Variants in NAALADL2 observed in about 807,000 individuals in gnomAD.
The protein encoded by NAALADL2 is N-acetylated alpha-linked acidic dipeptidase like 2.
A neutral mutation model predicts 87.2 loss-of-function variants in NAALADL2; 76 were observed. The observed-to-expected ratio is 0.87, with a 90% CI of 0.72 to 1.05. NAALADL2 has a LOEUF of 1.05. Among genes scored for constraint, NAALADL2 ranks in the 50% least tolerant of loss-of-function variants. The probability of loss-of-function intolerance (pLI) is 0.00; values close to 1 mark genes in which losing one functional copy is unlikely to be tolerated. For missense variants in NAALADL2, 1,089 were observed against 945.8 expected, an observed-to-expected ratio of 1.15 and a Z score of -1.99; for synonymous variants, 354 against 331.0, an observed-to-expected ratio of 1.07 and a Z score of -0.75.
At chr3:174,982,912 C>T (rs1322610841) in intron 1 of NAALADL2, among the ~76,000 whole-genome samples, 1 of 152,180 alleles carries the variant, frequency 6.6e-6, no homozygotes, top group Non-Finnish European at 1.5e-5. Flanking sequence ...ATTCTCCTGC[C>T]TCAGCCTCCT....
chr3:175,192,906 C>T (rs896967256), intron 2 of NAALADL2, among the ~76,000 whole-genome samples: 2 of 151,402 alleles, frequency 1.3e-5, no homozygotes, highest in Non-Finnish European at 3.0e-5. Flanking sequence ...TAAAAAAAAC[C>T]CTGCACATTT....
At chr3:174,674,640 T>C (rs1282682900) in intron 2 of NAALADL2, among the ~76,000 whole-genome samples, 2 of 152,078 alleles carry the variant, frequency 1.3e-5, no homozygotes, top group African/African-American at 4.8e-5. Flanking sequence ...TACCCTTTTA[T>C]TGGGCCTAAA....
At chr3:175,050,911 G>A (rs967712686) in intron 1 of NAALADL2, among the ~76,000 whole-genome samples, 3 of 152,054 alleles carry the variant, frequency 2.0e-5, no homozygotes, top group African/African-American at 7.2e-5. Context: ...GAAAAAACTA[G>A]GGTTGTTTTA....
chr3:174,513,297 C>A (rs1278071517), intron 1 of NAALADL2, among the ~76,000 whole-genome samples: 3 of 152,124 alleles, frequency 2.0e-5, no homozygotes, highest in Non-Finnish European at 4.4e-5. Flanking sequence ...CAATGACATG[C>A]TGGTATTGTA....
chr3:175,280,750 C>G (rs1754186413), intron 4 of NAALADL2, among the ~76,000 whole-genome samples: 1 of 151,980 alleles, frequency 6.6e-6, no homozygotes, highest in African/African-American at 2.4e-5. Context: ...GCAAAGTACA[C>G]AGGAGGCCCT....
chr3:175,070,867 G>T (rs1481468474), intron 1 of NAALADL2, among the ~76,000 whole-genome samples: 1 of 152,054 alleles, frequency 6.6e-6, no homozygotes, highest in Non-Finnish European at 1.5e-5. Flanking sequence ...TATTTTGTAT[G>T]TGAGTGAATA....
chr3:174,632,057 A>G (rs1385756652), intron 2 of NAALADL2: 1 of 152,224 alleles, frequency 6.6e-6, no homozygotes, highest in Non-Finnish European at 1.5e-5. Flanking sequence ...TCAAAGATAT[A>G]AATCTGTAGA....
At chr3:175,016,291 A>G (rs1375158127) in intron 1 of NAALADL2, among the ~76,000 whole-genome samples, 1 of 148,798 alleles carries the variant, frequency 6.7e-6, no homozygotes, top group Non-Finnish European at 1.5e-5. Flanking sequence ...AACAATAGCA[A>G]TTTTAGTAAT....
intron 2 of NAALADL2, among the ~76,000 whole-genome samples, chr3:174,671,475 G>A (rs1726530140): frequency 6.6e-6 from 1 of 152,086 alleles, no homozygotes; most frequent in Non-Finnish European, 1.5e-5. Context: ...TTGGGGCTTA[G>A]TTAGGACCAC....
At chr3:175,316,590 C>G (rs577839552) in intron 4 of NAALADL2, among the ~76,000 whole-genome samples, 2 of 152,272 alleles carry the variant, frequency 1.3e-5, no homozygotes, top group Admixed American at 1.3e-4. Flanking sequence ...ATCTCAAACC[C>G]TAAGAGGTAC....
chr3:175,263,007 A>C (rs916790062), intron 4 of NAALADL2, among the ~76,000 whole-genome samples: 8 of 151,578 alleles, frequency 5.3e-5, no homozygotes, highest in South Asian at 4.2e-4. Flanking sequence ...TGCAAAAAAA[A>C]AAAAAACAAA....
intron 3 of NAALADL2, among the ~76,000 whole-genome samples, chr3:174,817,951 A>G (rs1364162548): frequency 6.6e-6 from 1 of 152,200 alleles, no homozygotes; most frequent in East Asian, 1.9e-4. Context: ...ATATATTTCT[A>G]TAGTAACTTT....
intron 5 of NAALADL2, among the ~76,000 whole-genome samples, chr3:175,423,792 T>C (rs956435694): frequency 5.9e-5 from 9 of 152,274 alleles, no homozygotes; most frequent in Middle Eastern, 3.4e-3. Context: ...GTAATGGGAT[T>C]GGTGGGTCAA....
At chr3:174,916,440 C>T (rs951688876) in intron 1 of NAALADL2, among the ~76,000 whole-genome samples, 4 of 152,028 alleles carry the variant, frequency 2.6e-5, no homozygotes, top group African/African-American at 9.7e-5. Flanking sequence ...GCACAATTCA[C>T]AATTGCAAAG....
chr3:175,337,643 A>C (rs1340867949), intron 5 of NAALADL2, among the ~76,000 whole-genome samples: 2 of 152,252 alleles, frequency 1.3e-5, no homozygotes, highest in South Asian at 2.1e-4. Flanking sequence ...TGAAGACATA[A>C]ATTTCTATTG....
intron 10 of NAALADL2, among the ~76,000 whole-genome samples, chr3:175,623,269 G>T (rs1726490241): frequency 6.6e-6 from 1 of 151,170 alleles, no homozygotes; most frequent in African/African-American, 2.4e-5. Flanking sequence ...TAACTATTTA[G>T]TTAATACAGC....
At chr3:175,670,609 T>A (rs1733875439) in intron 11 of NAALADL2, among the ~76,000 whole-genome samples, 1 of 147,368 alleles carries the variant, frequency 6.8e-6, no homozygotes, top group African/African-American at 2.5e-5. Flanking sequence ...TAAATATATA[T>A]TAAATGTAAA....
intron 2 of NAALADL2, among the ~76,000 whole-genome samples, chr3:174,639,369 T>C (rs887541278): frequency 1.3e-5 from 2 of 151,984 alleles, no homozygotes; most frequent in Admixed American, 6.6e-5. Flanking sequence ...GACCCAGGGG[T>C]GTATGGGAGC....
chr3:174,734,705 T>G (rs1733022240), intron 2 of NAALADL2, among the ~76,000 whole-genome samples: 1 of 152,204 alleles, frequency 6.6e-6, no homozygotes, highest in Non-Finnish European at 1.5e-5. Context: ...CAGTTCTTTC[T>G]TTGTGAGAAA....
Sources: allele counts gnomAD v4.1 joint callset (sites outside exome capture counted in the v4.1 genomes callset), GRCh38; gene constraint gnomAD v4.1.1; transcripts MANE v1.5; gene names NCBI Gene and HGNC (gene_info 2026-07-23, HGNC 2026-07-21).